Variants in AKAP6 observed in about 807,000 individuals in gnomAD.
AKAP6 encodes the protein A-kinase anchor protein 6.
AKAP6 carries 58 observed loss-of-function variants against 188.5 expected under a neutral mutation model. The observed-to-expected ratio is 0.31, with a 90% CI of 0.25 to 0.38. AKAP6 has a LOEUF of 0.38. Among genes scored for constraint, AKAP6 ranks in the 10% least tolerant of loss-of-function variants. The pLI, the probability that AKAP6 is intolerant of heterozygous loss-of-function variation, is 1.00. For synonymous variants in AKAP6, 989 were observed against 998.6 expected, an observed-to-expected ratio of 0.99 and a Z score of 0.18; for missense variants, 2,710 against 2,740.0, an observed-to-expected ratio of 0.99 and a Z score of 0.24.
intron 5 of AKAP6, among the ~76,000 whole-genome samples, chr14:32,594,816 G>C (rs1885627009): frequency 6.6e-6 from 1 of 152,282 alleles, no homozygotes; most frequent in Admixed American, 6.5e-5. Flanking sequence ...TGAAGAAAAA[G>C]TGTCGTCAAG....
chr14:32,450,674 T>G (rs1035819973), intron 2 of AKAP6, among the ~76,000 whole-genome samples: 1 of 152,186 alleles, frequency 6.6e-6, no homozygotes, highest in African/African-American at 2.4e-5. Flanking sequence ...TATAATATCA[T>G]TTTCACGTAA....
intron 2 of AKAP6, among the ~76,000 whole-genome samples, chr14:32,440,336 G>T (rs956052721): frequency 2.0e-5 from 3 of 151,802 alleles, no homozygotes; most frequent in African/African-American, 4.8e-5. Flanking sequence ...GTCATGGGGT[G>T]GGGGGAGTGG....
At chr14:32,510,392 G>GTA (rs1463144592) in intron 2 of AKAP6, among the ~76,000 whole-genome samples, 1 of 36,080 alleles carries the variant, frequency 2.8e-5, no homozygotes, top group Non-Finnish European at 5.5e-5. Context: ...ATATATATAT[G>GTA]TGTATATATA....
rs144587717 is a variant in AKAP6 at position 32,483,579 on chromosome 14, G to A, written c.324+49762G>A. On this transcript the variant is annotated intron_variant, in intron 2 of 13. Coordinates refer to ENST00000280979, the MANE Select transcript of AKAP6 (RefSeq NM_004274.5). The stretch of plus-strand genomic sequence containing the variant: ...GGCTCACTGCAACCTCCGCCTCCCC[G>A]GTTCAAGCAATTCTCCTGCCTCAGC... 7.4e-3 allele frequency among the ~76,000 whole-genome samples: 1,126 copies of A among 152,144 alleles called. 16 individuals carry two copies. Among genetic ancestry groups the A allele is most frequent in the African/African-American group, 0.024 (1,016 of 41,476 alleles).
chr14:32,739,300 A>G (rs2031571666), intron 11 of AKAP6, among the ~76,000 whole-genome samples: 1 of 152,096 alleles, frequency 6.6e-6, no homozygotes, highest in South Asian at 2.1e-4. Context: ...TGTTACAGAC[A>G]TGCAATGGGT....
At chr14:32,605,914 G>C (rs994040410) in intron 7 of AKAP6, among the ~76,000 whole-genome samples, 1 of 152,110 alleles carries the variant, frequency 6.6e-6, no homozygotes, top group Non-Finnish European at 1.5e-5. Flanking sequence ...ATATATCTAG[G>C]GGGTATTTTT....
Position 32,599,108 on chromosome 14 carries a change from A to C in AKAP6, c.2470-302A>C, listed in dbSNP as rs1031567401. 1.2e-4 allele frequency among the ~76,000 whole-genome samples: 19 copies of C among 152,148 alleles called. 1 individual carries two copies. On this transcript the variant is annotated intron_variant, in intron 5 of 13. Coordinates refer to ENST00000280979, the MANE Select transcript of AKAP6 (RefSeq NM_004274.5). ...AAAAGAGCTCATATGTGCTAGCAGAAATTCAGTATATTTTATAGAACACTG... is the reference window on the plus strand; with the variant it reads ...AAAAGAGCTCATATGTGCTAGCAGACATTCAGTATATTTTATAGAACACTG...
At chr14:32,727,197 A>G (rs1260310955) in intron 9 of AKAP6, among the ~76,000 whole-genome samples, 1 of 152,160 alleles carries the variant, frequency 6.6e-6, no homozygotes, top group Admixed American at 6.5e-5. Context: ...CACCCTTGAC[A>G]TGGGAAGGAA....
intron 2 of AKAP6, among the ~76,000 whole-genome samples, chr14:32,447,853 C>G (rs1282968320): frequency 6.6e-6 from 1 of 152,194 alleles, no homozygotes; most frequent in Non-Finnish European, 1.5e-5. Flanking sequence ...ACAGCTCCTA[C>G]AGTGGGAGTC....
chr14:32,731,003 C>T (rs753559353), intron 9 of AKAP6, among the ~76,000 whole-genome samples: 1 of 152,106 alleles, frequency 6.6e-6, no homozygotes, highest in South Asian at 2.1e-4. Flanking sequence ...ATTCTAAAAG[C>T]GCTCTAAAGC....
intron 2 of AKAP6, among the ~76,000 whole-genome samples, chr14:32,454,669 TTCCCTCCTTCCCTCCTTCCCTCCCTCCC>T (rs1891065942): frequency 1.5e-5 from 1 of 65,542 alleles, no homozygotes; most frequent in Non-Finnish European, 3.3e-5. Context: ...CCTTCCCTCC[TTCCCTCCTTCCCTCCTTCCCTCCCTCCC>T]TCCCTCCCTC....
intron 3 of AKAP6, 112 bp from the exon 4 acceptor site, chr14:32,545,118 G>A: frequency 1.0e-6 from 1 of 970,826 alleles, no homozygotes; most frequent in South Asian, 1.6e-5. Flanking sequence ...CAAGCAATAG[G>A]GACCAATACA....
chr14:32,349,255 T>G (rs1887177766), intron 1 of AKAP6, among the ~76,000 whole-genome samples: 1 of 148,194 alleles, frequency 6.7e-6, no homozygotes, highest in Admixed American at 6.7e-5. Context: ...AGAGTTTGAC[T>G]TGTGTATAGG....
chr14:32,639,470 A>G (rs1352927458), intron 7 of AKAP6, among the ~76,000 whole-genome samples: 1 of 152,146 alleles, frequency 6.6e-6, no homozygotes, highest in Non-Finnish European at 1.5e-5. Flanking sequence ...AGAATCATTC[A>G]TATGTGTATT....
intron 4 of AKAP6, among the ~76,000 whole-genome samples, chr14:32,563,771 C>A (rs1390433366): frequency 6.6e-6 from 1 of 152,084 alleles, no homozygotes; most frequent in Non-Finnish European, 1.5e-5. Flanking sequence ...AGAGATAATT[C>A]TCCTCTAAGT....
chr14:32,580,116 A>G (rs1027362914), intron 5 of AKAP6, among the ~76,000 whole-genome samples: 5 of 152,152 alleles, frequency 3.3e-5, no homozygotes, highest in Admixed American at 6.5e-5. Flanking sequence ...GTTATTTTCC[A>G]TGATGGTACC....
intron 7 of AKAP6, among the ~76,000 whole-genome samples, chr14:32,629,289 T>C (rs1438484367): frequency 4.0e-5 from 6 of 151,886 alleles, no homozygotes. Context: ...GAAAAGAACT[T>C]AAGCTATTTT....
intron 7 of AKAP6, among the ~76,000 whole-genome samples, chr14:32,619,878 A>G (rs1410696942): frequency 6.6e-6 from 1 of 151,772 alleles, no homozygotes; most frequent in East Asian, 1.9e-4. Context: ...CCTTGTAGAG[A>G]TTTTTCACCT....
intron 12 of AKAP6, among the ~76,000 whole-genome samples, chr14:32,775,080 G>C (rs118074233): frequency 4.6e-3 from 702 of 152,242 alleles, no homozygotes; most frequent in Non-Finnish European, 8.7e-3. Flanking sequence ...AATTTCTTAA[G>C]ACTTCCAAGT....
Sources: gnomAD v4.1 joint callset for allele counts (sites outside exome capture counted in the v4.1 genomes callset) on GRCh38, gnomAD v4.1.1 for gene constraint, MANE v1.5 for transcripts, NCBI Gene and HGNC (gene_info 2026-07-23, HGNC 2026-07-21) for gene names.